The following PTK2 variants were observed in gnomAD, a reference collection of about 807,000 sequenced individuals.
PTK2 encodes protein tyrosine kinase 2, also known as focal adhesion kinase 1.
PTK2 carries 45 observed loss-of-function variants against 150.1 expected under a neutral mutation model. That is an observed-to-expected ratio of 0.30 (90% CI 0.24 to 0.38). The LOEUF is 0.38. Ranked by LOEUF, PTK2 falls within the 10% of genes least tolerant of loss-of-function variation. The probability of loss-of-function intolerance (pLI) is 1.00; values close to 1 mark genes in which losing one functional copy is unlikely to be tolerated. For synonymous variants in PTK2, 432 were observed against 449.2 expected, an observed-to-expected ratio of 0.96 and a Z score of 0.48; for missense variants, 919 against 1,307.3, an observed-to-expected ratio of 0.70 and a Z score of 4.58.
chr8:140,979,500 G>A (rs2100190592), intron 1 of PTK2, among the ~76,000 whole-genome samples: 3 of 150,898 alleles, frequency 2.0e-5, no homozygotes, highest in African/African-American at 7.3e-5. Flanking sequence ...ACTAATAAGG[G>A]AAGTTCAAAT....
exon 19 of PTK2, chr8:140,744,742 T>G (rs1246779814): frequency 6.2e-7 from 1 of 1,602,846 alleles, no homozygotes; most frequent in East Asian, 2.2e-5. Context: ...CAAACTGTAT[T>G]TCCTTACTTG....
At chr8:140,941,734 T>C (rs1043045277) in intron 1 of PTK2, among the ~76,000 whole-genome samples, 2 of 152,064 alleles carry the variant, frequency 1.3e-5, no homozygotes, top group East Asian at 3.8e-4. Flanking sequence ...AGACAGGGTC[T>C]CACTTTTGTC....
intron 5 of PTK2, among the ~76,000 whole-genome samples, chr8:140,852,300 T>C (rs1241791541): frequency 6.6e-6 from 1 of 152,206 alleles, no homozygotes; most frequent in Non-Finnish European, 1.5e-5. Context: ...CAGTGCTTGC[T>C]AGAGTTAGGG....
At chr8:140,830,413 G>T in intron 8 of PTK2, 59 bp downstream of exon 8, 1 of 1,134,158 alleles carries the variant, frequency 8.8e-7, no homozygotes, top group Non-Finnish European at 1.3e-6. Flanking sequence ...ATTTACCACT[G>T]GGGAAAAGGT....
chr8:140,724,152 C>T (rs540017271), intron 22 of PTK2, among the ~76,000 whole-genome samples: 2 of 152,336 alleles, frequency 1.3e-5, no homozygotes, highest in African/African-American at 4.8e-5. Flanking sequence ...AGCTGCTTCT[C>T]TGGTGAGTTA....
At chr8:140,751,318 G>A (rs2100062517) in intron 17 of PTK2, among the ~76,000 whole-genome samples, 1 of 152,042 alleles carries the variant, frequency 6.6e-6, no homozygotes, top group South Asian at 2.1e-4. Context: ...ACAGGCATGC[G>A]CCACCATGCC....
intron 1 of PTK2, among the ~76,000 whole-genome samples, chr8:140,946,391 T>C (rs1448960890): frequency 6.6e-6 from 1 of 151,964 alleles, no homozygotes. Flanking sequence ...ACGAGGAAGA[T>C]GGGGGAGAGG....
intron 2 of PTK2, among the ~76,000 whole-genome samples, chr8:140,905,352 A>C (rs1601946483): frequency 3.8e-5 from 2 of 52,548 alleles, no homozygotes; most frequent in Admixed American, 1.7e-4. Context: ...CATGGAAAGC[A>C]AAAAAAAAAG....
chr8:140,879,445 C>A, intron 4 of PTK2, 26 bp downstream of exon 4: 1 of 1,564,600 alleles, frequency 6.4e-7, no homozygotes, highest in Non-Finnish European at 8.6e-7. Flanking sequence ...AAGTGTGCAT[C>A]ACACCAAAGC....
chr8:140,766,020 T>C (rs1165627873), intron 14 of PTK2, among the ~76,000 whole-genome samples: 1 of 152,154 alleles, frequency 6.6e-6, no homozygotes, highest in Non-Finnish European at 1.5e-5. Context: ...CTTCCTTTCA[T>C]ATAAAGCACG....
intron 1 of PTK2, among the ~76,000 whole-genome samples, chr8:140,950,557 A>G (rs892961341): frequency 6.6e-6 from 1 of 152,216 alleles, no homozygotes; most frequent in Non-Finnish European, 1.5e-5. Context: ...CGCCCTTGGC[A>G]GGTGTGGGAT....
chr8:140,788,056 G>A (rs1472936361), intron 14 of PTK2, among the ~76,000 whole-genome samples: 3 of 152,172 alleles, frequency 2.0e-5, no homozygotes, highest in Non-Finnish European at 4.4e-5. Context: ...ACTACAGACT[G>A]AACAAATGCA....
At chr8:140,813,743 C>A (rs1163328558) in intron 10 of PTK2, among the ~76,000 whole-genome samples, 2 of 29,838 alleles carry the variant, frequency 6.7e-5, no homozygotes, top group African/African-American at 1.1e-3. Flanking sequence ...AGAGAACCAA[C>A]CCCAAACTAG....
chr8:140,905,631 A>G (rs551087166), intron 2 of PTK2, among the ~76,000 whole-genome samples: 1 of 152,298 alleles, frequency 6.6e-6, no homozygotes, highest in South Asian at 2.1e-4. Flanking sequence ...CAGAAGATAA[A>G]CACGGATATT....
chr8:140,782,231 T>TA (rs1179966875), intron 14 of PTK2, among the ~76,000 whole-genome samples: 1 of 139,412 alleles, frequency 7.2e-6, no homozygotes, highest in East Asian at 2.3e-4. Context: ...ATTTATCTTT[T>TA]AAAATTTGGT....
At chr8:140,978,486 T>C (rs2100190154) in intron 1 of PTK2, among the ~76,000 whole-genome samples, 1 of 152,222 alleles carries the variant, frequency 6.6e-6, no homozygotes. Context: ...AAGACATTTA[T>C]GCAGCCAAGA....
intron 5 of PTK2, among the ~76,000 whole-genome samples, chr8:140,853,633 T>C (rs1003060779): frequency 2.6e-5 from 4 of 152,124 alleles, no homozygotes; most frequent in Non-Finnish European, 5.9e-5. Context: ...CTGTTGTGAA[T>C]AGTGCCACAG....
intron 2 of PTK2, among the ~76,000 whole-genome samples, chr8:140,900,415 A>C (rs1451060880): frequency 6.6e-6 from 1 of 152,156 alleles, no homozygotes; most frequent in African/African-American, 2.4e-5. Context: ...AAACTATAAA[A>C]CATTGGTGAA....
intron 21 of PTK2, among the ~76,000 whole-genome samples, chr8:140,737,793 A>T (rs1474053977): frequency 2.0e-5 from 3 of 152,244 alleles, no homozygotes; most frequent in Non-Finnish European, 2.9e-5. Flanking sequence ...GGCATCTTAG[A>T]AGTTTTGAAA....
Sources: allele counts gnomAD v4.1 joint callset (sites outside exome capture counted in the v4.1 genomes callset), GRCh38; gene constraint gnomAD v4.1.1; transcripts MANE v1.5; gene names NCBI Gene and HGNC (gene_info 2026-07-23, HGNC 2026-07-21).